The following TBC1D32 variants were observed in gnomAD, a reference collection of about 807,000 sequenced individuals.
TBC1D32 encodes TBC1 domain family member 32.
In TBC1D32, 151 loss-of-function variants were observed where a neutral mutation model predicts 170.3. The observed-to-expected ratio is 0.89, with a 90% CI of 0.78 to 1.01. The LOEUF is 1.01. Ranked by LOEUF, TBC1D32 falls within the 50% of genes least tolerant of loss-of-function variation. The probability of loss-of-function intolerance (pLI) is 0.00; values close to 1 mark genes in which losing one functional copy is unlikely to be tolerated. For synonymous variants in TBC1D32, 498 were observed against 488.0 expected (o/e 1.02, Z -0.27); for missense variants, 1,464 against 1,457.1 (o/e 1.00, Z -0.08).
At chr6:121,268,877 T>C (rs1800929452) in intron 15 of TBC1D32, among the ~76,000 whole-genome samples, 1 of 152,120 alleles carries the variant, frequency 6.6e-6, no homozygotes. Flanking sequence ...GTCGGGTTAT[T>C]CACAAAGAGA....
chr6:121,125,058 G>A (rs1038321556), intron 26 of TBC1D32, among the ~76,000 whole-genome samples: 27 of 152,098 alleles, frequency 1.8e-4, no homozygotes, highest in Admixed American at 1.1e-3. Flanking sequence ...TGGTGAGGTC[G>A]TATTTCCATG....
rs951641970 is a variant in TBC1D32, at chr6:121,183,848, A to T, written c.2570+21227T>A. On this transcript the variant is annotated intron_variant, in intron 22 of 31. Transcript: ENST00000398212. ...GTCTTCTCACAGCAATAAAAAAACT[A>T]CCCATATGATTTTATGGCTGCTATC... 5.3e-5 allele frequency among the ~76,000 whole-genome samples: 8 copies of T among 152,128 alleles called. No individual in the cohort carries two copies. In the East Asian group the frequency reaches 1.4e-3, roughly 26 times the overall value.
At chr6:121,283,489 G>GA (rs905091232) in intron 13 of TBC1D32, among the ~76,000 whole-genome samples, 8 of 150,306 alleles carry the variant, frequency 5.3e-5, no homozygotes, top group South Asian at 2.1e-4. Flanking sequence ...AAAATAACAG[G>GA]AAAAAAAAAT....
At chr6:121,190,638 T>C (rs1789878371) in intron 22 of TBC1D32, among the ~76,000 whole-genome samples, 1 of 152,180 alleles carries the variant, frequency 6.6e-6, no homozygotes, top group African/African-American at 2.4e-5. Context: ...ATTTTGGATA[T>C]GGTGAATCCT....
intron 21 of TBC1D32, among the ~76,000 whole-genome samples, chr6:121,208,295 C>T (rs1792557478): frequency 1.3e-5 from 2 of 152,012 alleles, no homozygotes; most frequent in South Asian, 4.1e-4. Flanking sequence ...AATTAACTCA[C>T]AGTTCAACAT....
rs188434183 is a variant in TBC1D32, at chr6:121,296,375, T to C, written c.1141-1715A>G. Reference sequence around the variant, plus strand: ...TCTTGGGGACCCTCCCCCTCCCATATCTACCTGTCTTTTCTAAATCAAACG... The same window carrying C: ...TCTTGGGGACCCTCCCCCTCCCATACCTACCTGTCTTTTCTAAATCAAACG... On this transcript the variant is annotated intron_variant, in intron 10 of 31. Transcript: ENST00000398212. 1.7e-3 allele frequency among the ~76,000 whole-genome samples: 253 copies of C among 152,186 alleles called. 1 individual carries two copies. The highest frequency in any genetic ancestry group is 7.6e-3 in the Admixed American group (116 of 15,264).
At chr6:121,134,244 C>G (rs1003153644) in intron 24 of TBC1D32, among the ~76,000 whole-genome samples, 1 of 152,086 alleles carries the variant, frequency 6.6e-6, no homozygotes, top group Non-Finnish European at 1.5e-5. Context: ...CTCCTTCAAA[C>G]AAAGGATGTT....
intron 12 of TBC1D32, among the ~76,000 whole-genome samples, chr6:121,289,562 G>C (rs59480217): frequency 0.12 from 17,657 of 152,168 alleles, 1,474 homozygotes; most frequent in Admixed American, 0.23. Flanking sequence ...TCGTGACAAT[G>C]GCCATACTGC....
intron 1 of TBC1D32, among the ~76,000 whole-genome samples, chr6:121,325,743 G>T (rs1444056676): frequency 6.6e-6 from 1 of 152,170 alleles, no homozygotes; most frequent in Non-Finnish European, 1.5e-5. Context: ...AATACCAAAA[G>T]CAATGGCAAC....
intron 30 of TBC1D32, among the ~76,000 whole-genome samples, chr6:121,092,302 T>G (rs901149649): frequency 6.3e-5 from 9 of 142,012 alleles, no homozygotes; most frequent in East Asian, 4.1e-4. Flanking sequence ...TGTTTTTTTT[T>G]TTTTTTTTTT....
chr6:121,192,220 G>T (rs912801141), intron 22 of TBC1D32, among the ~76,000 whole-genome samples: 2 of 151,798 alleles, frequency 1.3e-5, no homozygotes, highest in African/African-American at 2.4e-5. Context: ...AATATGTTCA[G>T]ATCCAAAAAT....
intron 26 of TBC1D32, among the ~76,000 whole-genome samples, chr6:121,125,560 G>C (rs180862957): frequency 4.8e-5 from 7 of 147,334 alleles, no homozygotes; most frequent in Admixed American, 2.7e-4. Context: ...CAGTTGCAAC[G>C]GGGGGGTCAG....
chr6:121,218,708 T>C (rs1794128738), intron 21 of TBC1D32, among the ~76,000 whole-genome samples: 1 of 152,142 alleles, frequency 6.6e-6, no homozygotes, highest in South Asian at 2.1e-4. Flanking sequence ...ATTAGTTCTG[T>C]CCCTCTAAAG....
intron 22 of TBC1D32, among the ~76,000 whole-genome samples, chr6:121,194,234 T>C (rs977099456): frequency 6.6e-6 from 1 of 152,206 alleles, no homozygotes; most frequent in African/African-American, 2.4e-5. Context: ...AGTGCCAGAA[T>C]GCATAATTGG....
At chr6:121,218,329 G>T (rs78531673) in intron 21 of TBC1D32, among the ~76,000 whole-genome samples, 3,670 of 152,276 alleles carry the variant, frequency 0.024, 166 homozygotes, top group East Asian at 0.12. Flanking sequence ...TTAAGCTAAA[G>T]GAGGTGGGGA....
intron 25 of TBC1D32, among the ~76,000 whole-genome samples, chr6:121,129,691 A>G (rs1206570741): frequency 1.3e-5 from 2 of 152,212 alleles, no homozygotes; most frequent in South Asian, 2.1e-4. Context: ...TATGAATGAG[A>G]AAGAACAAAT....
chr6:121,332,819 G>C (rs184662697), intron 1 of TBC1D32, among the ~76,000 whole-genome samples: 1 of 151,984 alleles, frequency 6.6e-6, no homozygotes, highest in Non-Finnish European at 1.5e-5. Context: ...AATAAATAAC[G>C]TTATCATCTA....
intron 15 of TBC1D32, among the ~76,000 whole-genome samples, chr6:121,264,000 C>T (rs114167293): frequency 1.3e-3 from 205 of 152,028 alleles, no homozygotes; most frequent in African/African-American, 4.7e-3. Flanking sequence ...GATCTCAAAT[C>T]GACACCATAA....
intron 14 of TBC1D32, among the ~76,000 whole-genome samples, chr6:121,280,453 G>A (rs188748089): frequency 1.3e-5 from 2 of 151,742 alleles, no homozygotes; most frequent in East Asian, 3.9e-4. Context: ...ATGTGCCAGA[G>A]GGCTACTGTC....
Sources: allele counts gnomAD v4.1 joint callset (sites outside exome capture counted in the v4.1 genomes callset), GRCh38; gene constraint gnomAD v4.1.1; transcripts MANE v1.5; gene names NCBI Gene and HGNC (gene_info 2026-07-23, HGNC 2026-07-21).